The following PHLDB2 variants were observed in gnomAD, a reference collection of about 807,000 sequenced individuals.
PHLDB2 encodes pleckstrin homology like domain family B member 2.
A neutral mutation model predicts 123.6 loss-of-function variants in PHLDB2; 71 were observed. The observed-to-expected ratio is 0.57, with a 90% CI of 0.47 to 0.70. The LOEUF (loss-of-function observed/expected upper bound fraction) is 0.70, where lower values mean the gene tolerates loss of function less well. Among genes scored for constraint, PHLDB2 ranks in the 30% least tolerant of loss-of-function variants. PHLDB2 has a pLI of 0.00. For synonymous variants in PHLDB2, 547 were observed against 541.6 expected (o/e 1.01, Z -0.14); for missense variants, 1,446 against 1,519.5 (o/e 0.95, Z 0.80).
At position 111,962,165 on chromosome 3, in the gene PHLDB2, G is replaced by A. The variant is rs748340744; in HGVS notation, c.2930G>A (p.Arg977His). Reference sequence around the variant, plus strand: ...AGGCAGAAATCTGAATTTTATAACCGCACAGCATCTGAATCAAATGTCTAC... The same window carrying A: ...AGGCAGAAATCTGAATTTTATAACCACACAGCATCTGAATCAAATGTCTAC... Reference protein sequence around the residue: ...GHRQKSEFYNRTASESNVYLN... With the variant: ...GHRQKSEFYNHTASESNVYLN... Residue 977 changes from arginine to histidine, a missense_variant, in exon 13 of 18, where the codon CGC becomes CAC. Arg to His is a conservative substitution (Grantham distance 29, BLOSUM62 0). Transcript: ENST00000431670. 16 of 1,584,360 alleles carry A rather than the reference G, an allele frequency of 1.0e-5. No homozygotes were observed. The highest frequency in any genetic ancestry group is 4.7e-5 in the South Asian group (4 of 85,520).
Position 111,939,645 on chromosome 3 carries a change from T to G in PHLDB2, c.2286+15T>G. 1 of 1,596,722 alleles carries G rather than the reference T, an allele frequency of 6.3e-7. No homozygotes were observed. On this transcript the variant is annotated intron_variant, in intron 7 of 17. Transcript: ENST00000431670. ...TTTCTAGAAAGGTACTTTTTCCAGG[T>G]GTCATTCAATGTGAAAAATCAAAAT...
chr3:111,834,106 T>C (rs1323402802), intron 1 of PHLDB2, among the ~76,000 whole-genome samples: 4 of 120,072 alleles, frequency 3.3e-5, no homozygotes, highest in African/African-American at 1.4e-4. Context: ...ATTATATATA[T>C]TATATATGTA....
At position 111,904,733 on chromosome 3, in the gene PHLDB2, G is replaced by A. The variant is rs536201808; in HGVS notation, c.1336-8586G>A. ...GAGAAGGAGTCAATAGAGAGGGAAA[G>A]GTGTAGGAGAAGGGATAATCAATAG... On this transcript the variant is annotated intron_variant, in intron 2 of 17. Coordinates refer to ENST00000431670, the MANE Select transcript of PHLDB2 (RefSeq NM_001134438.2). 2.0e-5 allele frequency among the ~76,000 whole-genome samples: 3 copies of A among 152,140 alleles called. No homozygotes were observed. In the South Asian group the frequency reaches 6.3e-4, roughly 32 times the overall value.
chr3:111,733,607 G>A (rs1176440181), intron 1 of PHLDB2, among the ~76,000 whole-genome samples: 1 of 152,212 alleles, frequency 6.6e-6, no homozygotes, highest in African/African-American at 2.4e-5. Context: ...CTCATCACTG[G>A]AGGTCTATGG....
Position 111,834,123 on chromosome 3 carries a change from TTA to T in PHLDB2, c.-48-11688_-48-11687del, listed in dbSNP as rs1390180463. Among the ~76,000 whole-genome samples, 50 of 102,744 alleles carry T rather than the reference TTA, an allele frequency of 4.9e-4. 1 individual carries two copies. Among genetic ancestry groups the T allele is most frequent in the Non-Finnish European group, 6.4e-4 (35 of 54,434 alleles). 67.4% of individuals were successfully genotyped at this position (102,744 alleles called of 152,430 possible). A position where few individuals can be genotyped will look rare whatever the true frequency, so the allele number is the denominator to read the frequency against. ...TATATATATTATATATGTAATAGAA[TTA>T]TATATATATTATATGTAATAGAATT... On this transcript the variant is annotated intron_variant, in intron 1 of 17. Coordinates refer to the PHLDB2 transcript ENST00000393923.
At chr3:111,804,293 T>A (rs1415758771) in intron 1 of PHLDB2, among the ~76,000 whole-genome samples, 3 of 152,224 alleles carry the variant, frequency 2.0e-5, no homozygotes, top group Non-Finnish European at 2.9e-5. Flanking sequence ...TTTGAAGAGA[T>A]AATCTTTTAA....
At chr3:111,860,779 C>T (rs1267820405) in intron 1 of PHLDB2, among the ~76,000 whole-genome samples, 1 of 152,226 alleles carries the variant, frequency 6.6e-6, no homozygotes, top group African/African-American at 2.4e-5. Context: ...TATCCTGCAA[C>T]TCTGAAGTAG....
At chr3:111,800,286 G>A (rs937337998) in intron 1 of PHLDB2, among the ~76,000 whole-genome samples, 5 of 152,156 alleles carry the variant, frequency 3.3e-5, no homozygotes, top group African/African-American at 9.7e-5. Context: ...GATTACAGAC[G>A]TGAGCCAACA....
Position 111,966,619 on chromosome 3 carries a change from C to A in PHLDB2, c.3084C>A (p.Ser1028Arg). 1 of 1,612,330 alleles carries A rather than the reference C, an allele frequency of 6.2e-7. No homozygotes were observed. The stretch of plus-strand genomic sequence containing the variant: ...GCTTTGGTGTTTCATTCAGTGCCAG[C>A]ACTTCAAATATTGCTAGAATAGAAG... ...ACSPDNISSA[S>R]TSNIARIEEM... The change falls in exon 14 of 18, where the codon AGC becomes AGA. Residue 1028 changes from serine (S) to arginine (R), a missense_variant. Transcript: ENST00000431670.
In PHLDB2 at chr3:111,949,949, T is replaced by C. The variant is rs182714258; in HGVS notation, c.2631+874T>C. ...GTTATTTTGACAACGAAATTACTTA[T>C]GTGAAATCTTTTCTTCTACTTTCCC... On this transcript the variant is annotated intron_variant, in intron 10 of 17. Coordinates refer to ENST00000431670, the MANE Select transcript of PHLDB2 (RefSeq NM_001134438.2). The C allele has an allele frequency of 2.7e-4, 257 of 951,210 alleles. No individual in the cohort carries two copies. In the African/African-American group the frequency reaches 4.3e-3, roughly 16 times the overall value. The allele number at this position is 951,210 out of a possible 1,614,324, so 58.9% of individuals were successfully genotyped here.
At chr3:111,746,098 G>A (rs1329646376) in intron 1 of PHLDB2, among the ~76,000 whole-genome samples, 1 of 152,180 alleles carries the variant, frequency 6.6e-6, no homozygotes, top group Non-Finnish European at 1.5e-5. Context: ...AGATATATGG[G>A]CAAAAGTTGG....
At chr3:111,949,829 A>G in intron 10 of PHLDB2, 1 of 985,904 alleles carries the variant, frequency 1.0e-6, no homozygotes, top group Non-Finnish European at 1.2e-6. Flanking sequence ...CCTTTAAATG[A>G]CACACCTCCT....
chr3:111,822,531 C>T (rs1423380965), intron 1 of PHLDB2, among the ~76,000 whole-genome samples: 3 of 152,062 alleles, frequency 2.0e-5, no homozygotes, highest in Non-Finnish European at 2.9e-5. Flanking sequence ...AGTCTTTAGA[C>T]CACCACACAT....
At chr3:111,939,698 TA>T in intron 7 of PHLDB2, 68 bp downstream of exon 7, 1 of 1,452,516 alleles carries the variant, frequency 6.9e-7, no homozygotes. Context: ...AGCTATGACA[TA>T]TGTCTGTCTG....
At position 111,920,307 on chromosome 3, in the gene PHLDB2, A is replaced by G. The variant is rs2068426787; in HGVS notation, c.1889A>G (p.Asp630Gly). The change falls in exon 5 of 18, where the codon GAT (aspartate) becomes GGT (glycine). Residue 630 changes from aspartate (D) to glycine (G), a missense_variant. Asp to Gly is a moderately conservative substitution (Grantham distance 94). Around this residue, in one of 3 missense-constraint regions of PHLDB2, gnomAD observed 832 missense variants for 831.9 expected, o/e 1.00. Transcript: ENST00000431670. ...RELDMECALL[D>G]GEQKSETTEL... The stretch of plus-strand genomic sequence containing the variant: ...TTGGATATGGAATGTGCTCTTTTGG[A>G]TGGAGAACAGAAATCTGAAACAACT... 6.2e-7 allele frequency: 1 copy of G among 1,613,872 alleles called. No homozygotes were observed. The highest frequency in any genetic ancestry group is 1.1e-5 in the South Asian group (1 of 91,000).
intron 1 of PHLDB2, among the ~76,000 whole-genome samples, chr3:111,766,990 C>A (rs2060093580): frequency 7.6e-6 from 1 of 131,938 alleles, no homozygotes; most frequent in Non-Finnish European, 1.5e-5. Context: ...GAGATTGTGC[C>A]ATTGCATTCC....
chr3:111,897,510 G>A (rs1290476952), intron 2 of PHLDB2, among the ~76,000 whole-genome samples: 1 of 152,216 alleles, frequency 6.6e-6, no homozygotes, highest in African/African-American at 2.4e-5. Flanking sequence ...TTGCTCTGGT[G>A]AAGTCTAATG....
At chr3:111,805,225 A>G (rs1321409853) in intron 1 of PHLDB2, among the ~76,000 whole-genome samples, 5 of 152,162 alleles carry the variant, frequency 3.3e-5, no homozygotes, top group Non-Finnish European at 7.3e-5. Flanking sequence ...CCAAGAACAA[A>G]TTATGATATA....
intron 3 of PHLDB2, chr3:111,914,965 G>A (rs2068088203): frequency 6.6e-6 from 1 of 151,414 alleles, no homozygotes; most frequent in Non-Finnish European, 1.5e-5. Flanking sequence ...CAACAATTTA[G>A]GTTTTAAATT....
Sources: gnomAD v4.1 joint callset for allele counts (sites outside exome capture counted in the v4.1 genomes callset) on GRCh38, gnomAD v4.1.1 for gene constraint, gnomAD v4.1.1 regional missense constraint, MANE v1.5 for transcripts, NCBI Gene and HGNC (gene_info 2026-07-23, HGNC 2026-07-21) for gene names.